The following OLAH variants were observed in gnomAD, a reference collection of about 807,000 sequenced individuals.
The protein encoded by OLAH is oleoyl-ACP hydrolase, also known as S-acyl fatty acid synthase thioesterase, medium chain.
OLAH carries 33 observed loss-of-function variants against 27.8 expected under a neutral mutation model. The ratio of observed to expected loss-of-function variants is 1.19; its 90% CI spans 0.90 to 1.59. The LOEUF (loss-of-function observed/expected upper bound fraction) is 1.59. Ranked by LOEUF, OLAH falls within the 40% of genes most tolerant of loss-of-function variation. The probability of loss-of-function intolerance (pLI) is 0.00; values close to 1 mark genes in which losing one functional copy is unlikely to be tolerated. For missense variants in OLAH, 359 were observed against 310.8 expected (o/e 1.16, Z -1.17); for synonymous variants, 120 against 102.9 (o/e 1.17, Z -1.01).
At chr10:15,056,988 T>C in intron 3 of OLAH, 3 of 1,410,348 alleles carry the variant, frequency 2.1e-6, no homozygotes, top group Middle Eastern at 1.8e-4. Flanking sequence ...TTTTAGTAGG[T>C]TTTTTGTGTT....
chr10:15,041,159 C>A (rs1159066316), upstream of OLAH, among the ~76,000 whole-genome samples: 1 of 152,254 alleles, frequency 6.6e-6, no homozygotes, highest in African/African-American at 2.4e-5. Context: ...AGAGAAGTAC[C>A]CGAAGCTTCT....
chr10:15,053,898 T>TTTG (rs1001415155), intron 3 of OLAH, among the ~76,000 whole-genome samples: 2 of 151,998 alleles, frequency 1.3e-5, no homozygotes, highest in African/African-American at 4.8e-5. Flanking sequence ...TTTTCATATT[T>TTTG]TTGTTGTTGT....
At chr10:15,041,478 A>C (rs1273078246), upstream of OLAH, among the ~76,000 whole-genome samples, 2 of 151,862 alleles carry the variant, frequency 1.3e-5, no homozygotes, top group African/African-American at 2.4e-5. Flanking sequence ...GGGTTTCTCC[A>C]TGTTGGTCAG....
chr10:15,045,500 A>T (rs564644394), intron 1 of OLAH, among the ~76,000 whole-genome samples: 28 of 152,248 alleles, frequency 1.8e-4, no homozygotes, highest in African/African-American at 6.7e-4. Flanking sequence ...CATTCAGGTG[A>T]TTTTTTTCTG....
At chr10:15,066,501 A>C (rs1055284630) in intron 6 of OLAH, among the ~76,000 whole-genome samples, 15 of 151,994 alleles carry the variant, frequency 9.9e-5, no homozygotes, top group African/African-American at 3.6e-4. Flanking sequence ...ATATCTCTCC[A>C]TTCCCTTGTC....
At chr10:15,033,645 C>T (rs191730683) in intron 1 of OLAH, among the ~76,000 whole-genome samples, 1 of 152,148 alleles carries the variant, frequency 6.6e-6, no homozygotes, top group East Asian at 1.9e-4. Context: ...GCTGGGAAGT[C>T]CAGTATGAAG....
intron 3 of OLAH, chr10:15,056,853 G>T: frequency 6.6e-7 from 1 of 1,515,004 alleles, no homozygotes; most frequent in Non-Finnish European, 8.9e-7. Flanking sequence ...TGCCAAGGCT[G>T]GTCTCAAACT....
chr10:15,064,420 C>G lies in OLAH; in HGVS notation c.320C>G (p.Ala107Gly). The change falls in exon 5 of 8, where the codon GCT (alanine) becomes GGT (glycine). Residue 107 changes from alanine to glycine, a missense_variant. Ala to Gly is a moderately conservative substitution (Grantham distance 60). Coordinates refer to ENST00000378228, the MANE Select transcript of OLAH (RefSeq NM_001039702.3). ...FFGHSMGSYI[A>G]FRTALGLKEN... is the part of the protein sequence containing the mutation. ...GAATTTAGTATGGGATCCTACATTG[C>G]TTTTAGGACTGCACTAGGTCTAAAA... is the stretch of plus-strand genomic sequence containing the variant. 1 of 1,597,054 alleles carries G rather than the reference C, an allele frequency of 6.3e-7. No homozygotes were observed. The highest frequency in any genetic ancestry group is 8.5e-7 in the Non-Finnish European group (1 of 1,172,732).
At chr10:15,050,814 T>A (rs1844123057) in intron 3 of OLAH, among the ~76,000 whole-genome samples, 3 of 151,916 alleles carry the variant, frequency 2.0e-5, no homozygotes, top group Non-Finnish European at 4.4e-5. Flanking sequence ...GTGCTCGGAT[T>A]ACAGGCGTGA....
chr10:15,053,716 C>CT (rs200251875), intron 3 of OLAH, among the ~76,000 whole-genome samples: 16 of 146,502 alleles, frequency 1.1e-4, no homozygotes, highest in East Asian at 2.0e-4. Context: ...CTGTTCTAAG[C>CT]TTTTTTTTTT....
upstream of OLAH, among the ~76,000 whole-genome samples, chr10:15,043,165 C>T (rs1388487001): frequency 2.0e-5 from 3 of 151,806 alleles, no homozygotes; most frequent in South Asian, 4.2e-4. Context: ...CAGCCATCCA[C>T]GTGTCTTTTA....
intron 5 of OLAH, among the ~76,000 whole-genome samples, chr10:15,065,293 T>C (rs1203367766): frequency 6.6e-6 from 1 of 152,218 alleles, no homozygotes. Context: ...CCTGCTGCTC[T>C]TCCTCCTACC....
intron 3 of OLAH, among the ~76,000 whole-genome samples, chr10:15,052,120 A>G (rs772432429): frequency 4.9e-4 from 75 of 152,110 alleles, no homozygotes; most frequent in Non-Finnish European, 9.1e-4. Flanking sequence ...TGTCTCTACT[A>G]AAAATACAGA....
intron 6 of OLAH, among the ~76,000 whole-genome samples, chr10:15,067,505 T>A (rs1316673526): frequency 6.6e-6 from 1 of 152,134 alleles, no homozygotes; most frequent in Non-Finnish European, 1.5e-5. Flanking sequence ...TCACAACCAA[T>A]GAGTTTTTTC....
chr10:15,072,872 G>A (rs533249404), intron 7 of OLAH, among the ~76,000 whole-genome samples: 2 of 152,200 alleles, frequency 1.3e-5, no homozygotes, highest in African/African-American at 2.4e-5. Context: ...CCATTAGGCT[G>A]ATGATGCCTT....
upstream of OLAH, among the ~76,000 whole-genome samples, chr10:15,039,235 A>G (rs1371048875): frequency 1.3e-5 from 2 of 152,090 alleles, no homozygotes; most frequent in Non-Finnish European, 2.9e-5. Flanking sequence ...CTCTAAAAAA[A>G]AAGGGAATTG....
chr10:15,071,763 A>G (rs1844590943), intron 6 of OLAH, 32 bp from the exon 7 acceptor site: 1 of 1,559,108 alleles, frequency 6.4e-7, no homozygotes, highest in Non-Finnish European at 8.8e-7. Flanking sequence ...TTGATTTCAA[A>G]CAATTACTAA....
At chr10:15,068,609 G>A (rs377760838) in intron 6 of OLAH, among the ~76,000 whole-genome samples, 1 of 152,052 alleles carries the variant, frequency 6.6e-6, no homozygotes, top group African/African-American at 2.4e-5. Context: ...TGGCCAGCCT[G>A]GTCTCGAACT....
chr10:15,044,506 G>A (rs1359484868), intron 1 of OLAH, among the ~76,000 whole-genome samples: 1 of 151,592 alleles, frequency 6.6e-6, no homozygotes, highest in Non-Finnish European at 1.5e-5. Flanking sequence ...CCAGGCTGGA[G>A]TACAATGGTG....
Sources: allele counts gnomAD v4.1 joint callset (sites outside exome capture counted in the v4.1 genomes callset), GRCh38; gene constraint gnomAD v4.1.1; transcripts MANE v1.5; gene names NCBI Gene and HGNC (gene_info 2026-07-23, HGNC 2026-07-21).